Variants in CD46 observed in about 807,000 individuals in gnomAD.
The protein encoded by CD46 is CD46 molecule, also known as membrane cofactor protein.
CD46 carries 30 observed loss-of-function variants against 53.3 expected under a neutral mutation model. That is an observed-to-expected ratio of 0.56 (90% CI 0.42 to 0.76). The LOEUF (loss-of-function observed/expected upper bound fraction) is 0.76, where lower values mean the gene tolerates loss of function less well. CD46 is among the 30% of genes least tolerant of loss of function. The pLI is 0.00. For missense variants in CD46, 409 were observed against 463.0 expected, an observed-to-expected ratio of 0.88 and a Z score of 1.07; for synonymous variants, 142 against 152.0, an observed-to-expected ratio of 0.93 and a Z score of 0.48.
chr1:207,782,670 A>G (rs1571675353), intron 8 of CD46, among the ~76,000 whole-genome samples: 1 of 99,806 alleles, frequency 1.0e-5, no homozygotes, highest in East Asian at 2.7e-4. Context: ...TTTTTTTGAG[A>G]CAGAGTCTCG....
chr1:207,768,016 A>C, intron 7 of CD46, 193 bp downstream of exon 7: 1 of 583,576 alleles, frequency 1.7e-6, no homozygotes, highest in Non-Finnish European at 3.0e-6. Flanking sequence ...ATAAACAGGA[A>C]TATGACCTTG....
At chr1:207,783,235 A>G in intron 8 of CD46, 57 bp from the exon 9 acceptor site, 1 of 938,926 alleles carries the variant, frequency 1.1e-6, no homozygotes. Flanking sequence ...TTTAAGCTTT[A>G]TATTTAATTC....
At chr1:207,754,760 T>C (rs1655329831) in intron 1 of CD46, among the ~76,000 whole-genome samples, 1 of 152,080 alleles carries the variant, frequency 6.6e-6, no homozygotes, top group Non-Finnish European at 1.5e-5. Context: ...GGGCTTCCAG[T>C]ACTTCAGTCT....
intron 11 of CD46, chr1:207,786,023 G>C: frequency 1.8e-5 from 4 of 219,296 alleles, no homozygotes; most frequent in Non-Finnish European, 3.7e-5. Flanking sequence ...TTGCACTAAT[G>C]GCCAAAATTA....
chr1:207,767,478 C>T (rs1164848330), intron 6 of CD46: 1 of 860,344 alleles, frequency 1.2e-6, no homozygotes, highest in Non-Finnish European at 2.0e-6. Context: ...AAGTGAATTA[C>T]AACAACTTTT....
intron 6 of CD46, 76 bp from the exon 7 acceptor site, chr1:207,767,703 A>G (rs1657024458): frequency 6.3e-7 from 1 of 1,589,278 alleles, no homozygotes; most frequent in African/African-American, 1.3e-5. Context: ...TACAAGATAT[A>G]AGGAATTCCT....
chr1:207,761,858 A>T (rs184900340), intron 5 of CD46, among the ~76,000 whole-genome samples: 2,056 of 151,252 alleles, frequency 0.014, 48 homozygotes, highest in African/African-American at 0.046. Context: ...GATAAAAAAA[A>T]TTTTTTTTTT....
intron 8 of CD46, among the ~76,000 whole-genome samples, chr1:207,778,933 A>G (rs938702970): frequency 4.3e-4 from 66 of 152,192 alleles, no homozygotes; most frequent in African/African-American, 1.4e-3. Flanking sequence ...ATGTTTTTCC[A>G]TTTGTTTGTG....
chr1:207,761,779 G>C (rs1487164630), intron 5 of CD46, among the ~76,000 whole-genome samples: 1 of 150,808 alleles, frequency 6.6e-6, no homozygotes, highest in Non-Finnish European at 1.5e-5. Flanking sequence ...AGAAATCTAA[G>C]AGTTCTGGCT....
At chr1:207,757,700 T>A in intron 3 of CD46, 58 bp downstream of exon 3, 1 of 1,133,666 alleles carries the variant, frequency 8.8e-7, no homozygotes, top group South Asian at 1.3e-5. Context: ...TTTGTTTTGC[T>A]TCTCTTCTTA....
At chr1:207,774,929 C>T (rs1243816296) in intron 8 of CD46, among the ~76,000 whole-genome samples, 2 of 152,108 alleles carry the variant, frequency 1.3e-5, no homozygotes, top group Non-Finnish European at 2.9e-5. Context: ...GAATGTTGGC[C>T]TGTCTTGCTA....
At chr1:207,764,920 G>A (rs952211469) in intron 5 of CD46, among the ~76,000 whole-genome samples, 1 of 152,202 alleles carries the variant, frequency 6.6e-6, no homozygotes, top group Non-Finnish European at 1.5e-5. Flanking sequence ...AAGTGCAAGA[G>A]GAGGGAACAC....
At chr1:207,785,172 A>G (rs1659160753) in intron 10 of CD46, 66 bp downstream of exon 10, 4 of 1,256,104 alleles carry the variant, frequency 3.2e-6, no homozygotes, top group South Asian at 1.2e-5. Context: ...CATTTTAAAA[A>G]TAGTTTTTCA....
chr1:207,793,696 C>T lies in CD46; in HGVS notation c.*219C>T. ...TCTCATGAGTGCAACTGTGGCTTAG[C>T]TAATATTGCAATGTGGCTTGAATGT... On this transcript the variant is annotated 3_prime_UTR_variant, in exon 13 of 13. Coordinates refer to ENST00000367042, the MANE Select transcript of CD46 (RefSeq NM_172351.3). 1 of 918,654 alleles carries T rather than the reference C, an allele frequency of 1.1e-6. No individual in the cohort carries two copies. Among genetic ancestry groups the T allele is most frequent in the Non-Finnish European group, 1.8e-6 (1 of 560,680 alleles). The allele number at this position is 918,654 out of a possible 1,614,324, so 56.9% of individuals were successfully genotyped here.
In CD46 at chr1:207,793,499, C is replaced by A. The variant is rs1335695281; in HGVS notation, c.*42-20C>A. 6.3e-7 allele frequency: 1 copy of A among 1,583,350 alleles called. No homozygotes were observed. Among genetic ancestry groups the A allele is most frequent in the Admixed American group, 1.7e-5 (1 of 59,942 alleles). ...TAATTATATTTATCTTTGACATGAT[C>A]TTTATACCTTGGTTTGCAGGAAAGC... On this transcript the variant is annotated intron_variant, in intron 12 of 12. Transcript: ENST00000367042.
intron 2 of CD46, 114 bp downstream of exon 2, chr1:207,757,316 G>A: frequency 9.6e-7 from 1 of 1,040,736 alleles, no homozygotes; most frequent in Non-Finnish European, 1.5e-6. Context: ...TGAGGTTCAA[G>A]ATAACAATGC....
At chr1:207,766,085 A>G (rs1444796458) in intron 5 of CD46, among the ~76,000 whole-genome samples, 2 of 152,210 alleles carry the variant, frequency 1.3e-5, no homozygotes, top group Non-Finnish European at 2.9e-5. Flanking sequence ...ATTCTGAAAA[A>G]GTCCCACTAT....
intron 8 of CD46, among the ~76,000 whole-genome samples, chr1:207,776,702 C>G (rs778979657): frequency 1.3e-5 from 2 of 151,718 alleles, no homozygotes; most frequent in Non-Finnish European, 3.0e-5. Context: ...AACCACGGCA[C>G]ACTGCAGCCT....
intron 8 of CD46, among the ~76,000 whole-genome samples, 167 bp from the exon 9 acceptor site, chr1:207,783,125 A>G (rs1204556521): frequency 6.6e-6 from 1 of 152,142 alleles, no homozygotes; most frequent in East Asian, 1.9e-4. Context: ...AATTTTTATG[A>G]TACTACTTTG....
Sources: gnomAD v4.1 joint callset for allele counts (sites outside exome capture counted in the v4.1 genomes callset) on GRCh38, gnomAD v4.1.1 for gene constraint, MANE v1.5 for transcripts, NCBI Gene and HGNC (gene_info 2026-07-23, HGNC 2026-07-21) for gene names.